The following TAF15 variants were observed in gnomAD, a reference collection of about 807,000 sequenced individuals.
The protein encoded by TAF15 is TATA-binding protein-associated factor 2N.
In TAF15, 37 loss-of-function variants were observed where a neutral mutation model predicts 102.5. The ratio of observed to expected loss-of-function variants is 0.36; its 90% CI spans 0.28 to 0.47. The LOEUF is 0.47. Ranked by LOEUF, TAF15 falls within the 20% of genes least tolerant of loss-of-function variation. The probability of loss-of-function intolerance (pLI) is 0.99; values close to 1 mark genes in which losing one functional copy is unlikely to be tolerated. For synonymous variants in TAF15, 273 were observed against 259.2 expected (o/e 1.05, Z -0.51); for missense variants, 652 against 760.7 (o/e 0.86, Z 1.68).
At position 35,844,768 on chromosome 17, in the gene TAF15, G is replaced by T; in HGVS notation, c.1469G>T (p.Arg490Leu). 1.2e-6 allele frequency: 2 copies of T among 1,612,292 alleles called. No homozygotes were observed. The highest frequency in any genetic ancestry group is 1.7e-6 in the Non-Finnish European group (2 of 1,179,196). The change falls in exon 15 of 16, where the codon CGA (arginine) becomes CTA (leucine). Residue 490 changes from arginine to leucine, a missense_variant. Arg to Leu is a moderately radical substitution (Grantham distance 102, BLOSUM62 -2). Around this residue, in one of 3 missense-constraint regions of TAF15, gnomAD observed 368 missense variants for 367.5 expected, o/e 1.00. Coordinates refer to ENST00000605844, the MANE Select transcript of TAF15 (RefSeq NM_139215.3). Reference protein sequence around the residue: ...GGDRGGYGGDRGGGYGGDRGG... With the variant: ...GGDRGGYGGDLGGGYGGDRGG... ...GATCGAGGTGGCTATGGAGGAGACC[G>T]AGGTGGAGGCTATGGTGGAGACCGA...
chr17:35,833,851 G>T, intron 7 of TAF15, 56 bp from the exon 8 acceptor site: 1 of 1,593,552 alleles, frequency 6.3e-7, no homozygotes, highest in Non-Finnish European at 8.6e-7. Flanking sequence ...TGAGCCCAGG[G>T]CTCAGCACAT....
intron 13 of TAF15, 34 bp from the exon 14 acceptor site, chr17:35,844,246 T>C (rs375148373): frequency 1.9e-6 from 3 of 1,611,562 alleles, no homozygotes; most frequent in Non-Finnish European, 2.5e-6. Context: ...CATTAGAAAC[T>C]ATATAGGAGC....
chr17:35,818,334 A>T (rs1050169757), intron 2 of TAF15: 1 of 152,972 alleles, frequency 6.5e-6, no homozygotes, highest in African/African-American at 2.4e-5. Flanking sequence ...TGACCTCGTG[A>T]TCGCCCGCCT....
At position 35,836,111 on chromosome 17, in the gene TAF15, CCAT is replaced by C. The variant is rs2087471261; in HGVS notation, c.674-18_674-16del. The C allele has an allele frequency of 6.7e-7, 1 of 1,501,230 alleles. No homozygotes were observed. Among genetic ancestry groups the C allele is most frequent in the South Asian group, 1.1e-5 (1 of 88,662 alleles). 93.0% of individuals were successfully genotyped at this position (1,501,230 alleles called of 1,614,324 possible). A position where few individuals can be genotyped will look rare whatever the true frequency, so the allele number is the denominator to read the frequency against. On this transcript the variant is annotated intron_variant, in intron 9 of 15. Coordinates refer to ENST00000605844, the MANE Select transcript of TAF15 (RefSeq NM_139215.3). ...ATAACCAAGGAATATGTAAAATTAA[CCAT>C]CACTTTTTTTCTCTTAGATTCAGAA... is the stretch of plus-strand genomic sequence containing the variant.
intron 7 of TAF15, among the ~76,000 whole-genome samples, chr17:35,826,801 C>T (rs1323759266): frequency 2.7e-5 from 4 of 149,990 alleles, no homozygotes; most frequent in East Asian, 2.0e-4. Flanking sequence ...CTCCTGACCT[C>T]GTGATCTGCC....
chr17:35,832,621 G>T (rs574739532), intron 7 of TAF15, among the ~76,000 whole-genome samples: 1 of 151,952 alleles, frequency 6.6e-6, no homozygotes, highest in Non-Finnish European at 1.5e-5. Context: ...CAGTATTTTA[G>T]ATTAGATTCT....
chr17:35,845,123 G>A, intron 15 of TAF15, 85 bp downstream of exon 15: 1 of 1,558,434 alleles, frequency 6.4e-7, no homozygotes, highest in Non-Finnish European at 8.8e-7. Flanking sequence ...CAATTTTTTG[G>A]AACTTGAATT....
chr17:35,827,294 C>T lies in TAF15; in HGVS notation c.605+3096C>T, dbSNP rs546759292. On this transcript the variant is annotated intron_variant, in intron 7 of 15. Transcript: ENST00000605844. Reference sequence around the variant, plus strand: ...GAGCTTGCAGTGAGCTGAGATCGCACCACTGCACTCCAACCTGGGCAACAG... The same window carrying T: ...GAGCTTGCAGTGAGCTGAGATCGCATCACTGCACTCCAACCTGGGCAACAG... 1.4e-4 allele frequency among the ~76,000 whole-genome samples: 21 copies of T among 150,848 alleles called. No individual in the cohort carries two copies. The South Asian group carries it at 3.2e-3, about 23-fold the overall frequency.
chr17:35,844,823 C>CGAGGAGGTTAT lies in TAF15; in HGVS notation c.1525_1526insAGGAGGTTATG (p.Gly509GlufsTer141), dbSNP rs1568284476. 18 of 1,602,022 alleles carry CGAGGAGGTTAT rather than the reference C, an allele frequency of 1.1e-5. No homozygotes were observed. The highest frequency in any genetic ancestry group is 1.7e-4 in the Middle Eastern group (1 of 5,894). ...GCTATGGAGGAGATCGAGGAGGTTA[C>CGAGGAGGTTAT]GGAGGAGATCGAGGAGGTTATGGAG... is the stretch of plus-strand genomic sequence containing the variant. On this transcript the variant is annotated frameshift_variant, in exon 15 of 16. Transcript: ENST00000605844. LOFTEE classifies it high-confidence loss of function.
intron 1 of TAF15, among the ~76,000 whole-genome samples, chr17:35,811,992 G>A (rs1283918477): frequency 1.3e-5 from 2 of 152,232 alleles, no homozygotes; most frequent in Non-Finnish European, 2.9e-5. Context: ...AGCTACCCTG[G>A]AGAGGAGGGC....
chr17:35,835,506 A>C (rs1199994608), intron 9 of TAF15, among the ~76,000 whole-genome samples: 1 of 152,262 alleles, frequency 6.6e-6, no homozygotes, highest in African/African-American at 2.4e-5. Context: ...TTTTGTTTTT[A>C]TTAAGATGCC....
chr17:35,844,320 A>G lies in TAF15; in HGVS notation c.1129A>G (p.Asn377Asp). The change falls in exon 14 of 16, where the codon AAT (asparagine) becomes GAT (aspartate). Residue 377 changes from asparagine to aspartate, a missense_variant. Physicochemically the swap from Asn to Asp is conservative, Grantham distance 23. Coordinates refer to ENST00000605844, the MANE Select transcript of TAF15 (RefSeq NM_139215.3). ...GAACTTTGCTCGAAGGAATTCCTGC[A>G]ATCAGTGCAATGAGCCTAGACCAGA... ...NMNFARRNSC[N>D]QCNEPRPEDS... 6.2e-7 allele frequency: 1 copy of G among 1,614,218 alleles called. No individual in the cohort carries two copies. The highest frequency in any genetic ancestry group is 8.5e-7 in the Non-Finnish European group (1 of 1,180,050).
intron 11 of TAF15, among the ~76,000 whole-genome samples, chr17:35,839,531 G>A (rs144426878): frequency 0.027 from 4,057 of 151,646 alleles, 70 homozygotes; most frequent in Non-Finnish European, 0.041. Context: ...ACAGGCGCCC[G>A]CCACCACGCC....
intron 11 of TAF15, among the ~76,000 whole-genome samples, chr17:35,841,812 C>T (rs1047754167): frequency 6.6e-6 from 1 of 152,038 alleles, no homozygotes. Context: ...ATCCTCCTGC[C>T]TCAGCCTTCT....
intron 5 of TAF15, among the ~76,000 whole-genome samples, chr17:35,820,889 A>G (rs1267004726): frequency 6.6e-6 from 1 of 152,178 alleles, no homozygotes; most frequent in Non-Finnish European, 1.5e-5. Context: ...TATGTAGGTG[A>G]ATATTTACTG....
At chr17:35,824,921 TA>T (rs59417180) in intron 7 of TAF15, among the ~76,000 whole-genome samples, 9,895 of 146,372 alleles carry the variant, frequency 0.068, 971 homozygotes, top group African/African-American at 0.22. Context: ...ACTTTGACTG[TA>T]AAAAAAAAAA....
chr17:35,823,580 C>T (rs1204257740), intron 6 of TAF15: 1 of 173,220 alleles, frequency 5.8e-6, no homozygotes, highest in African/African-American at 2.4e-5. Flanking sequence ...TGGCGGGCAC[C>T]TGTAGTCCCA....
rs202037143 is a variant in TAF15, at chr17:35,820,416, A to G, written c.269A>G (p.Gln90Arg). The G allele has an allele frequency of 3.7e-6, 6 of 1,613,928 alleles. No homozygotes were observed. The Admixed American group carries it at 1.0e-4, about 27-fold the overall frequency. Reference sequence around the variant, plus strand: ...CCATATAATAACCAGGGACAGCAGCAAAACATGGAATCATCAGGAAGGTAA... The same window carrying G: ...CCATATAATAACCAGGGACAGCAGCGAAACATGGAATCATCAGGAAGGTAA... ...QQPYNNQGQQ[Q>R]NMESSGSQGG... Residue 90 changes from glutamine (Q) to arginine (R), a missense_variant, in exon 5 of 16, where the codon CAA becomes CGA. Around this residue, in one of 3 missense-constraint regions of TAF15, gnomAD observed 243 missense variants for 284.1 expected, o/e 0.86. Coordinates refer to ENST00000605844, the MANE Select transcript of TAF15 (RefSeq NM_139215.3).
intron 7 of TAF15, among the ~76,000 whole-genome samples, chr17:35,829,631 CAAAAAAAAAAAAA>C (rs746776421): frequency 1.2e-4 from 4 of 33,124 alleles, no homozygotes; most frequent in Admixed American, 3.5e-4. Flanking sequence ...GACTCCATCT[CAAAAAAAAAAAAA>C]AAAAAAAAAA....
Sources: gnomAD v4.1 joint callset for allele counts (sites outside exome capture counted in the v4.1 genomes callset) on GRCh38, gnomAD v4.1.1 for gene constraint, gnomAD v4.1.1 regional missense constraint, MANE v1.5 for transcripts, NCBI Gene and HGNC (gene_info 2026-07-23, HGNC 2026-07-21) for gene names.